SCG5: variants seen among roughly 807,000 people sequenced by gnomAD.
SCG5 encodes neuroendocrine protein 7B2.
Under a neutral mutation model 25.7 loss-of-function variants are expected in SCG5, and 18 were observed. The observed-to-expected ratio is 0.70, with a 90% confidence interval of 0.48 to 1.04. The LOEUF is 1.04. Ranked by LOEUF, SCG5 falls within the 50% of genes least tolerant of loss-of-function variation. The probability of loss-of-function intolerance (pLI) is 0.00; values close to 1 mark genes in which losing one functional copy is unlikely to be tolerated. For missense variants in SCG5, 206 were observed against 259.8 expected (o/e 0.79, Z 1.42); for synonymous variants, 101 against 91.7 (o/e 1.10, Z -0.58).
intron 2 of SCG5, among the ~76,000 whole-genome samples, chr15:32,660,120 A>AGTC (rs1289397704): frequency 6.6e-6 from 1 of 152,206 alleles, no homozygotes. Flanking sequence ...AATTTTTGGC[A>AGTC]GTCGTCTATC....
intron 2 of SCG5, among the ~76,000 whole-genome samples, chr15:32,653,660 A>C (rs1369105871): frequency 6.6e-6 from 1 of 152,246 alleles, no homozygotes; most frequent in African/African-American, 2.4e-5. Context: ...GAGTCTGAAG[A>C]CAGTCCAGAG....
intron 2 of SCG5, among the ~76,000 whole-genome samples, chr15:32,655,015 A>G (rs773077221): frequency 5.3e-5 from 8 of 152,112 alleles, no homozygotes; most frequent in South Asian, 2.1e-4. Flanking sequence ...TGCTTTAAAT[A>G]TTTCTGGAGA....
At chr15:32,658,500 G>A (rs535218168) in intron 2 of SCG5, among the ~76,000 whole-genome samples, 1 of 152,312 alleles carries the variant, frequency 6.6e-6, no homozygotes, top group East Asian at 1.9e-4. Flanking sequence ...AGTGGAGGGT[G>A]GTTATGGGGA....
chr15:32,667,981 T>G (rs2054350598), intron 2 of SCG5, among the ~76,000 whole-genome samples: 1 of 152,198 alleles, frequency 6.6e-6, no homozygotes, highest in Non-Finnish European at 1.5e-5. Context: ...ACTTTATTCT[T>G]AATACCTATT....
chr15:32,646,773 A>C (rs1397466861), intron 2 of SCG5, among the ~76,000 whole-genome samples: 2 of 152,068 alleles, frequency 1.3e-5, no homozygotes, highest in Non-Finnish European at 2.9e-5. Context: ...TATTCATGTG[A>C]GTTAGTTATT....
chr15:32,673,527 CGTGTGTGTGTGTGT>C (rs55968956), intron 2 of SCG5, among the ~76,000 whole-genome samples: 4 of 134,880 alleles, frequency 3.0e-5, no homozygotes, highest in African/African-American at 5.9e-5. Flanking sequence ...ATAAGATCCC[CGTGTGTGTGTGTGT>C]GTGTGTGTGT....
intron 2 of SCG5, among the ~76,000 whole-genome samples, chr15:32,658,879 A>G (rs12591579): frequency 1.3e-5 from 2 of 152,164 alleles, no homozygotes; most frequent in Non-Finnish European, 2.9e-5. Context: ...CTCAGCACTT[A>G]ACAACTGTCA....
At chr15:32,669,509 C>T (rs959897143) in intron 2 of SCG5, among the ~76,000 whole-genome samples, 1 of 152,098 alleles carries the variant, frequency 6.6e-6, no homozygotes, top group African/African-American at 2.4e-5. Context: ...ATAATTTCAG[C>T]AAGAATTATA....
At position 32,696,643 on chromosome 15, in the gene SCG5, G is replaced by A; in HGVS notation, c.*34G>A. The A allele has an allele frequency of 7.2e-7, 1 of 1,394,638 alleles. No homozygotes were observed. Among genetic ancestry groups the A allele is most frequent in the Non-Finnish European group, 1.0e-6 (1 of 986,448 alleles). 86.4% of individuals were successfully genotyped at this position (1,394,638 alleles called of 1,614,324 possible). On this transcript the variant is annotated 3_prime_UTR_variant, in exon 6 of 6. Transcript: ENST00000300175. Reference sequence around the variant, plus strand: ...TGCTAGACGAAAACCCACATTACCTGTTAGGCCTCAGCATGGCTTATGTGC... The same window carrying A: ...TGCTAGACGAAAACCCACATTACCTATTAGGCCTCAGCATGGCTTATGTGC...
rs894478085 is a variant in SCG5, at chr15:32,675,844, C to T, written c.227-3922C>T. Among the ~76,000 whole-genome samples, 7 of 152,186 alleles carry T rather than the reference C, an allele frequency of 4.6e-5. No individual in the cohort carries two copies. The East Asian group carries it at 1.2e-3, about 25-fold the overall frequency. ...CTACATTTATCTGGTTCATCACTGA[C>T]CCTCTAGTACCTAGCCCAGGTTTTG... On this transcript the variant is annotated intron_variant, in intron 2 of 5. Transcript: ENST00000300175.
rs149911319 is a variant in SCG5, at chr15:32,664,039, T to C, written c.227-15727T>C. 4.1e-4 allele frequency among the ~76,000 whole-genome samples: 62 copies of C among 152,264 alleles called. 1 individual carries two copies. Among genetic ancestry groups the C allele is most frequent in the African/African-American group, 1.5e-3 (61 of 41,548 alleles). ...GAGCACTGAATTTGAATTCTGAAGC[T>C]CACCAGAGTGTTCCACTGACTAGTC... On this transcript the variant is annotated intron_variant, in intron 2 of 5. Coordinates refer to ENST00000300175, the MANE Select transcript of SCG5 (RefSeq NM_001144757.3).
intron 4 of SCG5, among the ~76,000 whole-genome samples, chr15:32,685,863 C>T (rs1401607894): frequency 6.6e-6 from 1 of 152,228 alleles, no homozygotes; most frequent in African/African-American, 2.4e-5. Context: ...CTCAGCCCTT[C>T]TAAAGTCCTC....
intron 5 of SCG5, among the ~76,000 whole-genome samples, chr15:32,693,674 G>A (rs542409017): frequency 1.3e-5 from 2 of 152,306 alleles, no homozygotes; most frequent in African/African-American, 4.8e-5. Flanking sequence ...GTTTCCAGAG[G>A]ACATTGTAAG....
At chr15:32,665,081 C>G (rs1029139337) in intron 2 of SCG5, among the ~76,000 whole-genome samples, 1 of 152,136 alleles carries the variant, frequency 6.6e-6, no homozygotes, top group African/African-American at 2.4e-5. Context: ...AAAAACTTTT[C>G]AAGATTTACA....
At chr15:32,655,172 G>A (rs989221482) in intron 2 of SCG5, among the ~76,000 whole-genome samples, 4 of 152,142 alleles carry the variant, frequency 2.6e-5, no homozygotes, top group African/African-American at 9.7e-5. Flanking sequence ...GCTGGACGTG[G>A]TGGCGGGCAC....
chr15:32,648,284 C>G (rs541822236), intron 2 of SCG5, among the ~76,000 whole-genome samples: 1 of 152,282 alleles, frequency 6.6e-6, no homozygotes, highest in African/African-American at 2.4e-5. Context: ...CTCTCTAGCT[C>G]TACTCCAAAC....
chr15:32,652,396 G>C (rs2054047172), intron 2 of SCG5, among the ~76,000 whole-genome samples: 1 of 152,166 alleles, frequency 6.6e-6, no homozygotes, highest in Non-Finnish European at 1.5e-5. Flanking sequence ...AAGGGTGAAT[G>C]ATTTAGAGCT....
rs760632413 is a variant in SCG5, at chr15:32,684,615, G to A, written c.435G>A (p.Gln145=). The change falls in exon 4 of 6, where the codon CAG becomes CAA. Residue 145 remains glutamine, a synonymous_variant. Coordinates refer to ENST00000300175, the MANE Select transcript of SCG5 (RefSeq NM_001144757.3). ...CTGCAGAGTTCAGTCGAGAGTTCCA[G>A]TTGCACCAGCATCTCTTTGATCCGG... ...PDTAEFSREF[Q]LHQHLFDPEH... 5 of 1,613,776 alleles carry A rather than the reference G, an allele frequency of 3.1e-6. No individual in the cohort carries two copies. The highest frequency in any genetic ancestry group is 4.2e-6 in the Non-Finnish European group (5 of 1,179,854).
intron 2 of SCG5, among the ~76,000 whole-genome samples, chr15:32,663,143 T>C (rs1253587815): frequency 6.7e-6 from 1 of 148,644 alleles, no homozygotes; most frequent in Non-Finnish European, 1.5e-5. Flanking sequence ...ATATAATATA[T>C]GAATGGCAGC....
Sources: allele counts gnomAD v4.1 joint callset (sites outside exome capture counted in the v4.1 genomes callset), GRCh38; gene constraint gnomAD v4.1.1; transcripts MANE v1.5; gene names NCBI Gene and HGNC (gene_info 2026-07-23, HGNC 2026-07-21).